SOX5: variants seen among roughly 807,000 people sequenced by gnomAD.
SOX5 encodes the protein transcription factor SOX-5.
Under a neutral mutation model 92.0 loss-of-function variants are expected in SOX5, and 9 were observed. The ratio of observed to expected loss-of-function variants is 0.10; its 90% CI spans 0.06 to 0.17. SOX5 has a LOEUF of 0.17. Ranked by LOEUF, SOX5 falls within the 10% of genes least tolerant of loss-of-function variation. The probability of loss-of-function intolerance (pLI) is 1.00; values close to 1 mark genes in which losing one functional copy is unlikely to be tolerated. For missense variants in SOX5, 642 were observed against 944.5 expected (o/e 0.68, Z 4.20); for synonymous variants, 344 against 336.3 (o/e 1.02, Z -0.25).
upstream of SOX5, chr12:23,950,995 A>T: frequency 1.3e-6 from 1 of 787,096 alleles, no homozygotes; most frequent in Non-Finnish European, 2.1e-6. Context: ...ACACACACAC[A>T]CACACACACT....
intron 1 of SOX5, among the ~76,000 whole-genome samples, chr12:23,914,332 C>T (rs1410383983): frequency 6.6e-6 from 1 of 151,960 alleles, no homozygotes; most frequent in African/African-American, 2.4e-5. Context: ...TGATATATTC[C>T]ATGATGCTTT....
intron 3 of SOX5, among the ~76,000 whole-genome samples, chr12:24,269,176 G>A (rs1055359997): frequency 6.6e-6 from 1 of 152,062 alleles, no homozygotes; most frequent in African/African-American, 2.4e-5. Context: ...GTGACTGAGG[G>A]AAAAAAGTGA....
At chr12:23,592,749 A>G (rs757624069) in intron 9 of SOX5, among the ~76,000 whole-genome samples, 2 of 152,136 alleles carry the variant, frequency 1.3e-5, no homozygotes, top group Non-Finnish European at 2.9e-5. Context: ...GTATAGACAA[A>G]ATTTCAAATA....
chr12:23,840,311 C>G (rs1190623900), intron 3 of SOX5, among the ~76,000 whole-genome samples: 4 of 152,002 alleles, frequency 2.6e-5, no homozygotes, highest in African/African-American at 9.7e-5. Context: ...TGGAAAACTA[C>G]AAAACTCACC....
At chr12:23,726,614 G>T (rs954962107) in intron 6 of SOX5, among the ~76,000 whole-genome samples, 1 of 152,064 alleles carries the variant, frequency 6.6e-6, no homozygotes, top group Non-Finnish European at 1.5e-5. Context: ...ATTCCCAGGG[G>T]CGTATATAAG....
chr12:23,975,359 T>A lies in SOX5; in HGVS notation c.-1-79335A>T, dbSNP rs548621256. On this transcript the variant is annotated intron_variant, in intron 4 of 4. Transcript: ENST00000446891. ...GATATACTTTTTTTAAAAAAAAAAA[T>A]TAAGTGTAAAGCGTGAAAGTAATAC... Among the ~76,000 whole-genome samples the A allele has an allele frequency of 1.5e-3, 235 of 152,024 alleles. 1 individual carries two copies. Among genetic ancestry groups the A allele is most frequent in the African/African-American group, 5.1e-3 (209 of 41,384 alleles).
intron 4 of SOX5, among the ~76,000 whole-genome samples, chr12:24,197,658 C>T (rs1957133499): frequency 6.6e-6 from 1 of 152,158 alleles, no homozygotes; most frequent in South Asian, 2.1e-4. Flanking sequence ...TCTCCCACTT[C>T]CTTCCTAGAC....
At chr12:24,377,257 T>G (rs1957378729) in intron 1 of SOX5, among the ~76,000 whole-genome samples, 1 of 152,190 alleles carries the variant, frequency 6.6e-6, no homozygotes. Context: ...TTATATTCAT[T>G]TTATAGATGA....
At chr12:24,304,865 T>C (rs1948396217) in intron 2 of SOX5, among the ~76,000 whole-genome samples, 1 of 152,126 alleles carries the variant, frequency 6.6e-6, no homozygotes, top group South Asian at 2.1e-4. Flanking sequence ...ATCAGCGTGG[T>C]CATCGTCACT....
intron 6 of SOX5, among the ~76,000 whole-genome samples, chr12:23,729,260 G>A (rs1040309230): frequency 1.3e-5 from 2 of 152,008 alleles, no homozygotes; most frequent in African/African-American, 4.8e-5. Flanking sequence ...AAACTCAAAG[G>A]GAGTAAACCA....
At chr12:24,538,598 AACAC>A (rs60114784) in intron 1 of SOX5, among the ~76,000 whole-genome samples, 1,667 of 143,808 alleles carry the variant, frequency 0.012, 17 homozygotes, top group Middle Eastern at 0.056. Flanking sequence ...GCTGGATCTA[AACAC>A]ACACACACAC....
intron 10 of SOX5, among the ~76,000 whole-genome samples, chr12:23,569,865 C>T (rs1448623772): frequency 6.6e-6 from 1 of 152,194 alleles, no homozygotes; most frequent in East Asian, 1.9e-4. Flanking sequence ...TTTTAGTGTC[C>T]TATTGTCTTG....
At chr12:23,974,157 C>T (rs11047182) in intron 4 of SOX5, among the ~76,000 whole-genome samples, 7,168 of 152,012 alleles carry the variant, frequency 0.047, 612 homozygotes, top group East Asian at 0.39. Flanking sequence ...CGAATGTAGT[C>T]TCTCTCTCTC....
chr12:24,477,639 T>C (rs996440594), intron 1 of SOX5, among the ~76,000 whole-genome samples: 1 of 152,164 alleles, frequency 6.6e-6, no homozygotes, highest in Non-Finnish European at 1.5e-5. Context: ...TATAAGAAAC[T>C]ACTTTTAAGG....
At chr12:23,813,533 C>G (rs2095919325) in intron 3 of SOX5, among the ~76,000 whole-genome samples, 1 of 152,118 alleles carries the variant, frequency 6.6e-6, no homozygotes, top group African/African-American at 2.4e-5. Flanking sequence ...AGTAAATACA[C>G]AGAAAGAAGG....
At chr12:23,936,063 A>G (rs1942476065) in intron 1 of SOX5, among the ~76,000 whole-genome samples, 1 of 151,050 alleles carries the variant, frequency 6.6e-6, no homozygotes, top group African/African-American at 2.4e-5. Flanking sequence ...GAAATAATGC[A>G]TGTAAAGCAA....
chr12:23,663,023 G>A (rs182248358), intron 7 of SOX5, among the ~76,000 whole-genome samples: 502 of 152,220 alleles, frequency 3.3e-3, no homozygotes, highest in Non-Finnish European at 5.9e-3. Flanking sequence ...ACTGAAGAGC[G>A]GTAATGGCAC....
rs35276785 is a variant in SOX5, at chr12:24,270,066, C to CTT, written c.-77+7148_-77+7149dup. Among the ~76,000 whole-genome samples, 170 of 151,188 alleles carry CTT rather than the reference C, an allele frequency of 1.1e-3. 1 individual carries two copies. Among genetic ancestry groups the CTT allele is most frequent in the African/African-American group, 3.0e-3 (126 of 41,336 alleles). ...TTGTTCATTTCTAATGTGGGAAACT[C>CTT]TTTTTCTTTTTTTGAGACAGAGTCT... On this transcript the variant is annotated intron_variant, in intron 3 of 4. Coordinates refer to the SOX5 transcript ENST00000446891.
intron 1 of SOX5, among the ~76,000 whole-genome samples, chr12:24,552,222 AG>A (rs939341095): frequency 3.3e-5 from 5 of 152,224 alleles, no homozygotes; most frequent in African/African-American, 1.2e-4. Flanking sequence ...TCAAAAAAAA[AG>A]TCTTTCTAGC....
Sources: allele counts gnomAD v4.1 joint callset (sites outside exome capture counted in the v4.1 genomes callset), GRCh38; gene constraint gnomAD v4.1.1; transcripts MANE v1.5; gene names NCBI Gene and HGNC (gene_info 2026-07-23, HGNC 2026-07-21).